The following SH3RF3 variants were observed in gnomAD, a reference collection of about 807,000 sequenced individuals.
SH3RF3 encodes SH3 domain containing ring finger 3.
A neutral mutation model predicts 66.3 loss-of-function variants in SH3RF3; 29 were observed. The ratio of observed to expected loss-of-function variants is 0.44; its 90% CI spans 0.33 to 0.60. The LOEUF (loss-of-function observed/expected upper bound fraction) is 0.60. Among genes scored for constraint, SH3RF3 ranks in the 20% least tolerant of loss-of-function variants. SH3RF3 has a pLI of 0.04. For synonymous variants in SH3RF3, 583 were observed against 532.0 expected (o/e 1.10, Z -1.32); for missense variants, 1,194 against 1,190.9 (o/e 1.00, Z -0.04).
chr2:109,290,839 A>G (rs1681149362), intron 1 of SH3RF3, among the ~76,000 whole-genome samples: 1 of 152,244 alleles, frequency 6.6e-6, no homozygotes, highest in Non-Finnish European at 1.5e-5. Context: ...CATCTTTTCC[A>G]TCCCTGATTT....
At chr2:109,428,121 A>AGGAGGAAGCAC in intron 5 of SH3RF3, among the ~76,000 whole-genome samples, 1 of 152,306 alleles carries the variant, frequency 6.6e-6, no homozygotes, top group Non-Finnish European at 1.5e-5. Context: ...GGAAGAGGTG[A>AGGAGGAAGCAC]GGAGGAAGCA....
chr2:109,334,784 GTT>G (rs10535663), intron 1 of SH3RF3, among the ~76,000 whole-genome samples: 129,467 of 152,166 alleles, frequency 0.85, 55,609 homozygotes, highest in African/African-American at 0.95. Flanking sequence ...TCCTGCCTCT[GTT>G]TTTCTCTCTC....
intron 3 of SH3RF3, among the ~76,000 whole-genome samples, chr2:109,373,561 T>C (rs1448386437): frequency 6.6e-6 from 1 of 152,008 alleles, no homozygotes; most frequent in Non-Finnish European, 1.5e-5. Flanking sequence ...TAAAAGTAAA[T>C]GCCGTATGGG....
Position 109,502,060 on chromosome 2 carries a change from G to C in SH3RF3, c.*389G>C, listed in dbSNP as rs897659147. On this transcript the variant is annotated 3_prime_UTR_variant, in exon 10 of 10. Transcript: ENST00000309415. Reference sequence around the variant, plus strand: ...TCTGCAGGCGAGGTGGGTGGCATGGGGGCCAGGAGCGCTGGAGATCATCTT... The same window carrying C: ...TCTGCAGGCGAGGTGGGTGGCATGGCGGCCAGGAGCGCTGGAGATCATCTT... 3.5e-5 allele frequency: 7 copies of C among 200,336 alleles called. No individual in the cohort carries two copies. The highest frequency in any genetic ancestry group is 2.6e-4 in the Admixed American group (5 of 19,268). The allele number at this position is 200,336 out of a possible 1,614,324, so 12.4% of individuals were successfully genotyped here.
At chr2:109,392,259 G>A (rs917590673) in intron 3 of SH3RF3, among the ~76,000 whole-genome samples, 2 of 152,106 alleles carry the variant, frequency 1.3e-5, no homozygotes, top group African/African-American at 2.4e-5. Context: ...GGGCCTCCTC[G>A]TACTCTGCAG....
At chr2:109,299,665 G>T (rs991207674) in intron 1 of SH3RF3, among the ~76,000 whole-genome samples, 3 of 152,138 alleles carry the variant, frequency 2.0e-5, no homozygotes, top group Non-Finnish European at 4.4e-5. Flanking sequence ...TGTACTTGCC[G>T]AACCTAAAAG....
chr2:109,188,238 C>T (rs4676260), intron 1 of SH3RF3, among the ~76,000 whole-genome samples: 123,164 of 152,226 alleles, frequency 0.81, 49,956 homozygotes, highest in South Asian at 0.86. Flanking sequence ...GCAGGGGTGC[C>T]TCTGAAAACT....
At chr2:109,434,355 T>C (rs556403758) in intron 6 of SH3RF3, among the ~76,000 whole-genome samples, 212 of 152,356 alleles carry the variant, frequency 1.4e-3, no homozygotes, top group African/African-American at 4.3e-3. Context: ...GCTTCCCAGT[T>C]TCCAGTTTCT....
chr2:109,252,574 A>T (rs982060707), intron 1 of SH3RF3, among the ~76,000 whole-genome samples: 1 of 152,230 alleles, frequency 6.6e-6, no homozygotes, highest in South Asian at 2.1e-4. Flanking sequence ...AACTAGAATG[A>T]CAGAATGAGT....
chr2:109,454,648 A>G lies in SH3RF3; in HGVS notation c.2148+5159A>G, dbSNP rs1677987161. 2.0e-5 allele frequency among the ~76,000 whole-genome samples: 3 copies of G among 152,166 alleles called. No homozygotes were observed. In the South Asian group the frequency reaches 6.2e-4, roughly 32 times the overall value. On this transcript the variant is annotated intron_variant, in intron 8 of 9. Transcript: ENST00000309415. ...ATCAATCCAGTGGATTGGGACCCAC[A>G]TTTTTATTTAGATTGGATGGGATAA... is the stretch of plus-strand genomic sequence containing the variant.
At chr2:109,131,483 T>G (rs1676693560) in intron 1 of SH3RF3, among the ~76,000 whole-genome samples, 1 of 152,238 alleles carries the variant, frequency 6.6e-6, no homozygotes, top group South Asian at 2.1e-4. Context: ...TACCTTCTTC[T>G]GTTCTGATAA....
intron 1 of SH3RF3, among the ~76,000 whole-genome samples, chr2:109,230,865 C>T (rs913626297): frequency 1.3e-5 from 2 of 152,178 alleles, no homozygotes; most frequent in African/African-American, 4.8e-5. Flanking sequence ...AGTTCACTGG[C>T]CAATAGGACT....
intron 8 of SH3RF3, among the ~76,000 whole-genome samples, chr2:109,464,346 C>T (rs138670443): frequency 2.0e-5 from 3 of 152,318 alleles, no homozygotes; most frequent in African/African-American, 7.2e-5. Context: ...ATACAAATAA[C>T]ATTCACATGC....
chr2:109,267,215 C>G (rs556085285), intron 1 of SH3RF3, among the ~76,000 whole-genome samples: 2 of 152,204 alleles, frequency 1.3e-5, no homozygotes, highest in South Asian at 4.2e-4. Context: ...TAGGAATCTC[C>G]CTTCCTCTGA....
intron 1 of SH3RF3, among the ~76,000 whole-genome samples, chr2:109,320,192 T>C (rs972173023): frequency 5.3e-5 from 8 of 152,160 alleles, no homozygotes; most frequent in Non-Finnish European, 1.0e-4. Flanking sequence ...GCCCTCGGCT[T>C]GCCTCTGCTC....
chr2:109,501,200 C>T (rs1696056739), intron 9 of SH3RF3, among the ~76,000 whole-genome samples: 2 of 151,998 alleles, frequency 1.3e-5, no homozygotes, highest in Admixed American at 6.6e-5. Context: ...AGGGCAGGAG[C>T]GTGGATATGA....
At chr2:109,199,582 T>TC (rs1558953881) in intron 1 of SH3RF3, among the ~76,000 whole-genome samples, 4 of 472 alleles carry the variant, frequency 8.5e-3, no homozygotes, top group Admixed American at 0.017. Flanking sequence ...TGGAATGGAA[T>TC]GGAATGGAAT....
chr2:109,198,945 T>C (rs895092816), intron 1 of SH3RF3, among the ~76,000 whole-genome samples: 1 of 152,170 alleles, frequency 6.6e-6, no homozygotes, highest in African/African-American at 2.4e-5. Context: ...AATACAGTCT[T>C]ATGGGACCCC....
intron 1 of SH3RF3, among the ~76,000 whole-genome samples, chr2:109,334,207 A>C (rs772954199): frequency 4.4e-4 from 67 of 152,018 alleles, no homozygotes; most frequent in Non-Finnish European, 5.0e-4. Flanking sequence ...AAATAGAAAA[A>C]ATTAGCCAGG....
Sources: gnomAD v4.1 joint callset for allele counts (sites outside exome capture counted in the v4.1 genomes callset) on GRCh38, gnomAD v4.1.1 for gene constraint, MANE v1.5 for transcripts, NCBI Gene and HGNC (gene_info 2026-07-23, HGNC 2026-07-21) for gene names.